ARL9: variants seen among roughly 807,000 people sequenced by gnomAD.
The protein encoded by ARL9 is ARF like GTPase 9, also known as ADP-ribosylation factor-like protein 9.
A neutral mutation model predicts 27.0 loss-of-function variants in ARL9; 14 were observed. The observed-to-expected ratio is 0.52, with a 90% CI of 0.34 to 0.81. The LOEUF (loss-of-function observed/expected upper bound fraction) is 0.81, where lower values mean the gene tolerates loss of function less well. ARL9 is among the 30% of genes least tolerant of loss of function. The pLI is 0.01. For synonymous variants in ARL9, 106 were observed against 108.7 expected (o/e 0.98, Z 0.15); for missense variants, 294 against 290.0 (o/e 1.01, Z -0.10).
At chr4:56,505,223 T>C (rs965207333), upstream of ARL9, 1 of 326,672 alleles carries the variant, frequency 3.1e-6, no homozygotes, top group Non-Finnish European at 6.2e-6. Flanking sequence ...TTGTCTTTAA[T>C]AATCCTGGGT....
At chr4:56,506,372 C>T (rs1721460450) in intron 1 of ARL9, among the ~76,000 whole-genome samples, 1 of 152,184 alleles carries the variant, frequency 6.6e-6, no homozygotes, top group Non-Finnish European at 1.5e-5. Context: ...GTGTCTTAAC[C>T]TCAGTCGGGT....
chr4:56,505,690 C>T, upstream of ARL9: 1 of 1,126,294 alleles, frequency 8.9e-7, no homozygotes. Flanking sequence ...CCTGCATCCG[C>T]GAGGTAAGCG....
upstream of ARL9, chr4:56,505,580 G>A: frequency 1.7e-6 from 1 of 586,750 alleles, no homozygotes; most frequent in South Asian, 1.7e-5. Flanking sequence ...TCCTGGTTGG[G>A]ACCTCTTGGT....
At chr4:56,516,596 A>G (rs1721772295) in intron 2 of ARL9, among the ~76,000 whole-genome samples, 1 of 151,482 alleles carries the variant, frequency 6.6e-6, no homozygotes, top group Non-Finnish European at 1.5e-5. Flanking sequence ...AAAAAAAAAA[A>G]AAAAAAGAAA....
intron 1 of ARL9, among the ~76,000 whole-genome samples, chr4:56,510,292 T>C (rs1578208601): frequency 6.8e-6 from 1 of 148,054 alleles, no homozygotes; most frequent in Non-Finnish European, 1.5e-5. Context: ...GAGGCGGAGG[T>C]TGCAGTGAGC....
intron 3 of ARL9, among the ~76,000 whole-genome samples, chr4:56,523,024 G>T (rs1255848123): frequency 1.3e-5 from 2 of 152,160 alleles, no homozygotes; most frequent in African/African-American, 4.8e-5. Context: ...TCAAATTTCT[G>T]TTATTAAATA....
At chr4:56,505,622 C>T, upstream of ARL9, 1 of 626,438 alleles carries the variant, frequency 1.6e-6, no homozygotes, top group Non-Finnish European at 2.7e-6. Context: ...CATCCGTACG[C>T]CTCCGCCCTT....
rs1207650700 is a variant in ARL9, at chr4:56,518,820, A to G, written c.585A>G (p.Pro195=). Residue 195 remains proline, a synonymous_variant, in exon 3 of 4, where the codon CCA becomes CCG. Coordinates refer to ENST00000640821, the MANE Select transcript of ARL9 (RefSeq NM_001363794.2). ...TTCATCAGCTAATTGCAGCAAACCC[A>G]GTACTTCCTCTGGTTGTGTTTGCAA... ...KYLHQLIAAN[P]VLPLVVFANK... is the part of the protein sequence containing the mutation. 2 of 1,614,018 alleles carry G rather than the reference A, an allele frequency of 1.2e-6. No homozygotes were observed. Among genetic ancestry groups the G allele is most frequent in the East Asian group, 4.5e-5 (2 of 44,886 alleles).
chr4:56,523,821 C>A lies in ARL9; in HGVS notation c.743C>A (p.Ser248Tyr), dbSNP rs1236278692. Residue 248 changes from serine to tyrosine, a missense_variant, in exon 4 of 4, where the codon TCC becomes TAC. By Grantham distance (144) the Ser-to-Tyr change is moderately radical (BLOSUM62 -2). Coordinates refer to ENST00000640821, the MANE Select transcript of ARL9 (RefSeq NM_001363794.2). ...ACTAAGAATGGCTCAGAGATACCCT[C>A]CACCATGCAAGATGCCAAAGACTTG... The part of the protein sequence containing the change: ...YLTKNGSEIP[S>Y]TMQDAKDLIA... The A allele has an allele frequency of 1.9e-6, 3 of 1,614,022 alleles. No individual in the cohort carries two copies. Among genetic ancestry groups the A allele is most frequent in the Non-Finnish European group, 2.5e-6 (3 of 1,179,890 alleles).
intron 2 of ARL9, among the ~76,000 whole-genome samples, chr4:56,513,924 C>A (rs1721705840): frequency 6.6e-6 from 1 of 152,162 alleles, no homozygotes; most frequent in South Asian, 2.1e-4. Flanking sequence ...AATCCCAGCA[C>A]TTTGAGAGGC....
intron 3 of ARL9, among the ~76,000 whole-genome samples, chr4:56,522,177 T>C (rs1040759843): frequency 2.0e-5 from 3 of 152,010 alleles, no homozygotes; most frequent in Non-Finnish European, 4.4e-5. Context: ...TCCCAGCACT[T>C]TGGAAGGCCA....
intron 3 of ARL9, among the ~76,000 whole-genome samples, chr4:56,523,249 C>T (rs1024980196): frequency 2.0e-4 from 31 of 151,950 alleles, no homozygotes; most frequent in Admixed American, 5.2e-4. Flanking sequence ...ATGAGTGGGG[C>T]GTGGTGGCAC....
rs1450033441 is a variant in ARL9 at position 56,511,270 on chromosome 4, A to G, written c.365A>G (p.Gln122Arg). ...CACTCTCTAGCTTCAAACAGAGTCC[A>G]GCACAGTGTGGCACCCACCCAAGGT... ...VLHSLASNRVQHSVAPTQGFH... is the reference protein window; with the variant it reads ...VLHSLASNRVRHSVAPTQGFH... The change falls in exon 2 of 4, where the codon CAG becomes CGG. Residue 122 changes from glutamine to arginine, a missense_variant. Coordinates refer to ENST00000640821, the MANE Select transcript of ARL9 (RefSeq NM_001363794.2). The G allele has an allele frequency of 1.2e-6, 2 of 1,613,852 alleles. No homozygotes were observed. Among genetic ancestry groups the G allele is most frequent in the African/African-American group, 2.7e-5 (2 of 74,944 alleles).
intron 3 of ARL9, among the ~76,000 whole-genome samples, chr4:56,523,005 A>G (rs1560700666): frequency 6.6e-6 from 1 of 152,252 alleles, no homozygotes; most frequent in Non-Finnish European, 1.5e-5. Context: ...ACCTAAAACA[A>G]TAGATGAATC....
At chr4:56,523,484 C>CT (rs1213682579) in intron 3 of ARL9, among the ~76,000 whole-genome samples, 3 of 151,972 alleles carry the variant, frequency 2.0e-5, no homozygotes, top group East Asian at 1.9e-4. Flanking sequence ...CCAGAATATA[C>CT]TTTTTTTTGG....
At chr4:56,509,000 A>C (rs1270117148) in intron 1 of ARL9, among the ~76,000 whole-genome samples, 4 of 152,146 alleles carry the variant, frequency 2.6e-5, no homozygotes, top group African/African-American at 9.7e-5. Flanking sequence ...ATCTTTGAGA[A>C]GTAGAATTGA....
At chr4:56,518,288 C>G (rs1006365297) in intron 2 of ARL9, among the ~76,000 whole-genome samples, 1 of 152,204 alleles carries the variant, frequency 6.6e-6, no homozygotes, top group African/African-American at 2.4e-5. Context: ...CCTCCTGCCT[C>G]AGCCTCCCAA....
At chr4:56,511,840 T>C (rs929313471) in intron 2 of ARL9, among the ~76,000 whole-genome samples, 1 of 152,188 alleles carries the variant, frequency 6.6e-6, no homozygotes, top group African/African-American at 2.4e-5. Context: ...CAGTCATCCA[T>C]CCTCATGGCA....
Position 56,513,909 on chromosome 4 carries a change from C to A in ARL9, c.442+2562C>A, listed in dbSNP as rs551250041. Among the ~76,000 whole-genome samples, 3 of 152,302 alleles carry A rather than the reference C, an allele frequency of 2.0e-5. No homozygotes were observed. The East Asian group carries it at 5.8e-4, about 29-fold the overall frequency. Reference sequence around the variant, plus strand: ...TTCAGGCCAGGCATGGTGGCTCACACCTGTAATCCCAGCACTTTGAGAGGC... The same window carrying A: ...TTCAGGCCAGGCATGGTGGCTCACAACTGTAATCCCAGCACTTTGAGAGGC... On this transcript the variant is annotated intron_variant, in intron 2 of 3. Coordinates refer to ENST00000640821, the MANE Select transcript of ARL9 (RefSeq NM_001363794.2).
Sources: gnomAD v4.1 joint callset for allele counts (sites outside exome capture counted in the v4.1 genomes callset) on GRCh38, gnomAD v4.1.1 for gene constraint, MANE v1.5 for transcripts, NCBI Gene and HGNC (gene_info 2026-07-23, HGNC 2026-07-21) for gene names.